DPP6: variants seen among roughly 807,000 people sequenced by gnomAD.
DPP6 encodes the protein dipeptidyl peptidase like 6, also known as A-type potassium channel modulatory protein DPP6.
Under a neutral mutation model 122.6 loss-of-function variants are expected in DPP6, and 69 were observed. The ratio of observed to expected loss-of-function variants is 0.56; its 90% CI spans 0.46 to 0.69. The LOEUF (loss-of-function observed/expected upper bound fraction) is 0.69. Ranked by LOEUF, DPP6 falls within the 30% of genes least tolerant of loss-of-function variation. The pLI is 0.00. For synonymous variants in DPP6, 418 were observed against 433.1 expected, an observed-to-expected ratio of 0.97 and a Z score of 0.43; for missense variants, 928 against 1,116.9, an observed-to-expected ratio of 0.83 and a Z score of 2.41.
At chr7:154,652,015 A>G (rs1836907525) in intron 6 of DPP6, among the ~76,000 whole-genome samples, 1 of 152,226 alleles carries the variant, frequency 6.6e-6, no homozygotes, top group Non-Finnish European at 1.5e-5. Context: ...AATTTAAAGG[A>G]AGGACAGAAA....
rs1287810161 is a variant in DPP6 at position 154,368,639 on chromosome 7, A to G, written c.244-77575A>G. On this transcript the variant is annotated intron_variant, in intron 1 of 25. Transcript: ENST00000377770. ...GTAGTTGTATTTCCATTTACAAAAC[A>G]TAGTAATTCTCGATCGCTGAAAATG... Among the ~76,000 whole-genome samples the G allele has an allele frequency of 7.2e-5, 11 of 152,350 alleles. No homozygotes were observed. The South Asian group carries it at 1.0e-3, about 14-fold the overall frequency.
At chr7:154,165,935 A>G (rs1797225790) in intron 1 of DPP6, among the ~76,000 whole-genome samples, 2 of 152,196 alleles carry the variant, frequency 1.3e-5, no homozygotes, top group Non-Finnish European at 2.9e-5. Context: ...TCCTACCATA[A>G]AACACTCAGT....
chr7:154,178,162 C>CTGT (rs1481795414), intron 1 of DPP6, among the ~76,000 whole-genome samples: 4 of 152,214 alleles, frequency 2.6e-5, no homozygotes, highest in African/African-American at 4.8e-5. Context: ...TTACTCATTT[C>CTGT]TGTTCAATGA....
intron 1 of DPP6, among the ~76,000 whole-genome samples, chr7:153,936,631 C>T (rs960893506): frequency 6.6e-6 from 1 of 150,844 alleles, no homozygotes; most frequent in African/African-American, 2.4e-5. Context: ...ACGGTGAAAC[C>T]CCGTCTCTAC....
At chr7:154,573,716 TG>T (rs1378406340) in intron 5 of DPP6, among the ~76,000 whole-genome samples, 1 of 152,262 alleles carries the variant, frequency 6.6e-6, no homozygotes, top group African/African-American at 2.4e-5. Context: ...CACTGATTTT[TG>T]AAATGTGTGT....
chr7:154,164,261 C>T (rs62487224), intron 1 of DPP6, among the ~76,000 whole-genome samples: 116,259 of 142,690 alleles, frequency 0.81, 47,623 homozygotes, highest in East Asian at 1. Context: ...CTTCTCTTTC[C>T]CTCTCTCCCC....
intron 16 of DPP6, among the ~76,000 whole-genome samples, chr7:154,822,390 C>G (rs1799851276): frequency 6.6e-6 from 1 of 152,162 alleles, no homozygotes; most frequent in Non-Finnish European, 1.5e-5. Flanking sequence ...AGGGAGCTCT[C>G]TTGGGCCTTT....
intron 1 of DPP6, among the ~76,000 whole-genome samples, chr7:154,390,409 G>GT (rs1383759611): frequency 1.3e-5 from 2 of 151,882 alleles, no homozygotes; most frequent in African/African-American, 2.4e-5. Context: ...GAGAGTTTGA[G>GT]TTTTTTTTAT....
chr7:154,604,762 C>T (rs2130784899), intron 5 of DPP6, among the ~76,000 whole-genome samples: 1 of 120,574 alleles, frequency 8.3e-6, no homozygotes, highest in African/African-American at 2.6e-5. Context: ...GTGAAGTTAC[C>T]ATTTTCTTGC....
At chr7:154,576,003 CA>C (rs1337894604) in intron 5 of DPP6, among the ~76,000 whole-genome samples, 4 of 152,084 alleles carry the variant, frequency 2.6e-5, no homozygotes, top group African/African-American at 4.8e-5. Flanking sequence ...CATCCCCAGA[CA>C]GGGGGAAGTC....
chr7:154,694,610 C>T (rs1840111525), intron 7 of DPP6, among the ~76,000 whole-genome samples: 1 of 144,932 alleles, frequency 6.9e-6, no homozygotes, highest in Non-Finnish European at 1.5e-5. Context: ...GAGACTCCAT[C>T]TCAAAAAAAA....
At chr7:153,836,735 A>G in the DPP6 span, among the ~76,000 whole-genome samples, 1 of 152,244 alleles carries the variant, frequency 6.6e-6, no homozygotes, top group Admixed American at 6.5e-5. Flanking sequence ...CTGATAAGGC[A>G]TGATGCATGT....
the DPP6 span, among the ~76,000 whole-genome samples, chr7:153,759,491 T>TTG: frequency 0.02 from 2,978 of 151,280 alleles, 35 homozygotes; most frequent in African/African-American, 0.037. Flanking sequence ...CCAGCTAATT[T>TTG]TGTGTGTGTG....
the DPP6 span, among the ~76,000 whole-genome samples, chr7:153,861,582 C>CTA: frequency 6.6e-6 from 1 of 152,172 alleles, no homozygotes; most frequent in African/African-American, 2.4e-5. Context: ...CTACAATGAG[C>CTA]TATGCATCCT....
intron 10 of DPP6, among the ~76,000 whole-genome samples, chr7:154,788,275 C>T (rs1484821326): frequency 6.6e-6 from 1 of 152,046 alleles, no homozygotes; most frequent in African/African-American, 2.4e-5. Context: ...GAAACCCCCT[C>T]TCTACTAAAA....
chr7:154,783,216 C>T (rs1402587481), intron 10 of DPP6, among the ~76,000 whole-genome samples: 4 of 152,174 alleles, frequency 2.6e-5, no homozygotes, highest in African/African-American at 9.6e-5. Flanking sequence ...GGCCTCGCAT[C>T]CCCATAGCTG....
At chr7:153,990,623 C>G (rs1241901700) in intron 1 of DPP6, among the ~76,000 whole-genome samples, 3 of 151,972 alleles carry the variant, frequency 2.0e-5, no homozygotes, top group Non-Finnish European at 4.4e-5. Context: ...AGCCCCCTGT[C>G]CAAGGGCCGC....
chr7:154,656,407 C>G (rs6963286), intron 6 of DPP6, among the ~76,000 whole-genome samples: 22,982 of 33,692 alleles, frequency 0.68, 6,834 homozygotes, highest in Non-Finnish European at 0.77. Context: ...AGAGGGAGGT[C>G]GGGGGAGAGC....
chr7:153,935,106 G>A (rs1418494806), intron 1 of DPP6, among the ~76,000 whole-genome samples: 2 of 152,202 alleles, frequency 1.3e-5, no homozygotes, highest in Non-Finnish European at 2.9e-5. Flanking sequence ...TGGGTGCTGA[G>A]GAAGCTGAAC....
Sources: allele counts gnomAD v4.1 joint callset (sites outside exome capture counted in the v4.1 genomes callset), GRCh38; gene constraint gnomAD v4.1.1; transcripts MANE v1.5; gene names NCBI Gene and HGNC (gene_info 2026-07-23, HGNC 2026-07-21).